The following TCF7L1 variants were observed in gnomAD, a reference collection of about 807,000 sequenced individuals.
TCF7L1 encodes the protein transcription factor 7-like 1.
In TCF7L1, 18 loss-of-function variants were observed where a neutral mutation model predicts 63.7. The observed-to-expected ratio is 0.28, with a 90% CI of 0.20 to 0.42. TCF7L1 has a LOEUF of 0.42. Among genes scored for constraint, TCF7L1 ranks in the 10% least tolerant of loss-of-function variants. The probability of loss-of-function intolerance (pLI) is 1.00; values close to 1 mark genes in which losing one functional copy is unlikely to be tolerated. For synonymous variants in TCF7L1, 355 were observed against 340.9 expected (o/e 1.04, Z -0.46); for missense variants, 654 against 779.3 (o/e 0.84, Z 1.91).
chr2:85,204,296 C>T (rs561680306), intron 3 of TCF7L1, among the ~76,000 whole-genome samples: 1,089 of 85,224 alleles, frequency 0.013, 200 homozygotes, highest in African/African-American at 0.045. Flanking sequence ...TTGCTTCCCC[C>T]CCCCCCCCCA....
In TCF7L1 at chr2:85,283,565, C is replaced by G. The variant is rs1681474023; in HGVS notation, c.512C>G (p.Ser171Cys). 6.2e-7 allele frequency: 1 copy of G among 1,614,106 alleles called. No individual in the cohort carries two copies. Among genetic ancestry groups the G allele is most frequent in the Non-Finnish European group, 8.5e-7 (1 of 1,180,036 alleles). ...ACAGTCAAGGACACGAGGTCACCAT[C>G]TCCAGCACACTTGGTAAGTCTGTTT... ...SATVKDTRSP[S>C]PAHLSNKVPV... The change falls in exon 4 of 12, where the codon TCT (serine) becomes TGT (cysteine). Residue 171 changes from serine to cysteine, a missense_variant. Physicochemically the swap from Ser to Cys is moderately radical, Grantham distance 112 (BLOSUM62 -1). Transcript: ENST00000282111.
chr2:85,208,531 G>T (rs1247229464), intron 3 of TCF7L1, among the ~76,000 whole-genome samples: 2 of 152,144 alleles, frequency 1.3e-5, no homozygotes, highest in Non-Finnish European at 2.9e-5. Context: ...AGACCCGAAG[G>T]AAGTGAAGGG....
At chr2:85,233,594 G>T (rs903952677) in intron 3 of TCF7L1, among the ~76,000 whole-genome samples, 1 of 152,144 alleles carries the variant, frequency 6.6e-6, no homozygotes, top group Non-Finnish European at 1.5e-5. Context: ...GATTACCAGC[G>T]TGAGCCACTG....
Position 85,275,641 on chromosome 2 carries a change from G to C in TCF7L1, c.442-7854G>C, listed in dbSNP as rs113109322. On this transcript the variant is annotated intron_variant, in intron 3 of 11. Coordinates refer to ENST00000282111, the MANE Select transcript of TCF7L1 (RefSeq NM_031283.3). ...ATTGGTTTAAGACCAGTGTAGGCCA[G>C]GTGCGGTGGCTCACCCCTGTAATGC... 3.3e-3 allele frequency among the ~76,000 whole-genome samples: 501 copies of C among 152,266 alleles called. 4 individuals are homozygous for C. The highest frequency in any genetic ancestry group is 0.011 in the African/African-American group (473 of 41,540).
At chr2:85,283,400 C>T (rs1681469885) in intron 3 of TCF7L1, 95 bp from the exon 4 acceptor site, 2 of 1,367,164 alleles carry the variant, frequency 1.5e-6, no homozygotes, top group East Asian at 2.3e-5. Context: ...CCCCAATGGC[C>T]TGCCCCGGTG....
At chr2:85,136,703 G>A (rs911578329) in intron 3 of TCF7L1, among the ~76,000 whole-genome samples, 1 of 152,130 alleles carries the variant, frequency 6.6e-6, no homozygotes, top group African/African-American at 2.4e-5. Flanking sequence ...CGCTGTGTTA[G>A]TTCACGGATA....
chr2:85,202,526 C>G (rs568783228), intron 3 of TCF7L1, among the ~76,000 whole-genome samples: 1 of 152,284 alleles, frequency 6.6e-6, no homozygotes, highest in African/African-American at 2.4e-5. Flanking sequence ...CTGCCTAGTC[C>G]TAGGTCATAA....
chr2:85,200,603 C>T (rs1314786709), intron 3 of TCF7L1, among the ~76,000 whole-genome samples: 1 of 152,206 alleles, frequency 6.6e-6, no homozygotes, highest in Non-Finnish European at 1.5e-5. Context: ...CAACTTTTTC[C>T]TGTAATGTCA....
Position 85,298,191 on chromosome 2 carries a change from CA to C in TCF7L1, c.526-4278del, listed in dbSNP as rs759348807. ...TGGGTGACAGAGTGAGACTCCATCT[CA>C]AAAAAAAAAAAAAAGTGCAGGCCGG... On this transcript the variant is annotated intron_variant, in intron 4 of 11. Coordinates refer to ENST00000282111, the MANE Select transcript of TCF7L1 (RefSeq NM_031283.3). Among the ~76,000 whole-genome samples the C allele has an allele frequency of 4.9e-4, 22 of 44,728 alleles. 2 individuals are homozygous for C. Among genetic ancestry groups the C allele is most frequent in the East Asian group, 3.5e-3 (3 of 864 alleles). The allele number at this position is 44,728 out of a possible 152,430, so 29.3% of individuals were successfully genotyped here. A position where few individuals can be genotyped will look rare whatever the true frequency, so the allele number is the denominator to read the frequency against.
chr2:85,150,527 C>T (rs941943835), intron 3 of TCF7L1, among the ~76,000 whole-genome samples: 2 of 151,978 alleles, frequency 1.3e-5, no homozygotes, highest in Non-Finnish European at 2.9e-5. Flanking sequence ...CCACCGCGCC[C>T]GGCCATGTTC....
chr2:85,308,486 C>T (rs1192658938), intron 11 of TCF7L1, among the ~76,000 whole-genome samples: 1 of 67,912 alleles, frequency 1.5e-5, no homozygotes, highest in African/African-American at 7.1e-5. Flanking sequence ...CCCCTCCTTC[C>T]CTCCCTTCCC....
chr2:85,156,553 T>C (rs1678151028), intron 3 of TCF7L1, among the ~76,000 whole-genome samples: 1 of 152,222 alleles, frequency 6.6e-6, no homozygotes, highest in Admixed American at 6.5e-5. Context: ...TCTGTATGTA[T>C]ATGCCAAATT....
chr2:85,232,772 C>T (rs1680113019), intron 3 of TCF7L1, among the ~76,000 whole-genome samples: 5 of 152,086 alleles, frequency 3.3e-5, no homozygotes, highest in Admixed American at 2.6e-4. Flanking sequence ...TATACTTATC[C>T]ACGCAGTGCT....
At chr2:85,265,693 C>A (rs1409194582) in intron 3 of TCF7L1, among the ~76,000 whole-genome samples, 1 of 151,940 alleles carries the variant, frequency 6.6e-6, no homozygotes, top group African/African-American at 2.4e-5. Flanking sequence ...AGGGGCAAGA[C>A]CCCATTCAAA....
intron 3 of TCF7L1, among the ~76,000 whole-genome samples, chr2:85,257,664 G>T (rs1317065855): frequency 6.6e-6 from 1 of 152,200 alleles, no homozygotes; most frequent in Admixed American, 6.5e-5. Context: ...GGCCCTGCCT[G>T]ACCCTGACTG....
chr2:85,141,080 G>A (rs1677726365), intron 3 of TCF7L1, among the ~76,000 whole-genome samples: 1 of 152,064 alleles, frequency 6.6e-6, no homozygotes, highest in Non-Finnish European at 1.5e-5. Flanking sequence ...GAGGCCAGAA[G>A]TTCAAGACCA....
intron 8 of TCF7L1, among the ~76,000 whole-genome samples, chr2:85,305,912 C>T (rs1173576726): frequency 2.0e-5 from 3 of 152,182 alleles, no homozygotes; most frequent in African/African-American, 7.2e-5. Flanking sequence ...TCACCGCCGC[C>T]AGCACCTGCC....
intron 3 of TCF7L1, among the ~76,000 whole-genome samples, chr2:85,204,158 C>G (rs1233741125): frequency 6.6e-6 from 1 of 152,130 alleles, no homozygotes; most frequent in Non-Finnish European, 1.5e-5. Context: ...CTGCCTAGCT[C>G]CACTTCACTC....
rs192832467 is a variant in TCF7L1, at chr2:85,180,838, G to A, written c.441+46388G>A. On this transcript the variant is annotated intron_variant, in intron 3 of 11. Transcript: ENST00000282111. Reference sequence around the variant, plus strand: ...AGGTAAGGAAGCTGAGGTGCTGGGAGGTTGCATGATGTGCCGAGCATCTCA... The same window carrying A: ...AGGTAAGGAAGCTGAGGTGCTGGGAAGTTGCATGATGTGCCGAGCATCTCA... Among the ~76,000 whole-genome samples, 5 of 152,338 alleles carry A rather than the reference G, an allele frequency of 3.3e-5. No individual in the cohort carries two copies. In the East Asian group the frequency reaches 9.6e-4, roughly 29 times the overall value.
Sources: allele counts gnomAD v4.1 joint callset (sites outside exome capture counted in the v4.1 genomes callset), GRCh38; gene constraint gnomAD v4.1.1; transcripts MANE v1.5; gene names NCBI Gene and HGNC (gene_info 2026-07-23, HGNC 2026-07-21).